CRKL: variants seen among roughly 807,000 people sequenced by gnomAD.
CRKL encodes the protein CRK like proto-oncogene, adaptor protein.
A neutral mutation model predicts 23.0 loss-of-function variants in CRKL; 3 were observed. The ratio of observed to expected loss-of-function variants is 0.13; its 90% CI spans 0.06 to 0.34. CRKL has a LOEUF of 0.34. CRKL is among the 10% of genes least tolerant of loss of function. The pLI, the probability that CRKL is intolerant of heterozygous loss-of-function variation, is 1.00. For missense variants in CRKL, 256 were observed against 394.5 expected (o/e 0.65, Z 2.97); for synonymous variants, 188 against 160.7 (o/e 1.17, Z -1.28).
chr22:20,921,758 A>G (rs2147894881), intron 1 of CRKL, among the ~76,000 whole-genome samples: 1 of 150,462 alleles, frequency 6.6e-6, no homozygotes, highest in South Asian at 2.1e-4. Flanking sequence ...TCTGTCGCCC[A>G]GGCTGGAGTG....
chr22:20,921,267 A>G (rs537686927), intron 1 of CRKL, among the ~76,000 whole-genome samples: 3 of 152,356 alleles, frequency 2.0e-5, no homozygotes, highest in Admixed American at 6.5e-5. Flanking sequence ...TGTAACAATA[A>G]TGTCCTACTC....
intron 2 of CRKL, 108 bp downstream of exon 2, chr22:20,934,352 C>T: frequency 2.9e-6 from 3 of 1,018,098 alleles, no homozygotes; most frequent in Admixed American, 2.8e-5. Flanking sequence ...AATTAGAGCA[C>T]TGGATGATTT....
chr22:20,945,840 A>G (rs1259165593), intron 2 of CRKL, among the ~76,000 whole-genome samples: 5 of 152,146 alleles, frequency 3.3e-5, no homozygotes, highest in Non-Finnish European at 2.9e-5. Context: ...CGGCCTACAC[A>G]TAGATGTTCA....
At chr22:20,939,695 A>G (rs945268742) in intron 2 of CRKL, among the ~76,000 whole-genome samples, 3 of 151,448 alleles carry the variant, frequency 2.0e-5, no homozygotes, top group Non-Finnish European at 4.4e-5. Context: ...TTAAAAGTGC[A>G]TGGCCCCATA....
chr22:20,918,430 GT>G (rs5844449), intron 1 of CRKL, among the ~76,000 whole-genome samples, 185 bp downstream of exon 1: 122,807 of 148,254 alleles, frequency 0.83, 51,145 homozygotes, highest in Middle Eastern at 0.93. Context: ...AAGAGGATGC[GT>G]TTTTTTTTTT....
intron 2 of CRKL, among the ~76,000 whole-genome samples, chr22:20,937,972 C>T (rs765514580): frequency 1.5e-4 from 23 of 152,026 alleles, no homozygotes; most frequent in Non-Finnish European, 2.5e-4. Context: ...CGGGTTTAAG[C>T]GATTCTCATG....
chr22:20,920,056 C>G (rs779877657), intron 1 of CRKL, among the ~76,000 whole-genome samples: 8 of 152,138 alleles, frequency 5.3e-5, no homozygotes, highest in Non-Finnish European at 8.8e-5. Flanking sequence ...AGTTGAGAAT[C>G]TTAGAACCCA....
At chr22:20,920,338 T>C (rs1169219458) in intron 1 of CRKL, among the ~76,000 whole-genome samples, 1 of 151,904 alleles carries the variant, frequency 6.6e-6, no homozygotes, top group Non-Finnish European at 1.5e-5. Context: ...CCGTCTCTGC[T>C]AAAAATACAA....
rs200590760 is a variant in CRKL at position 20,918,012 on chromosome 22, C to G, written c.78C>G (p.Thr26=). ...MGPVSRQEAQ[T]RLQGQRHGMF... ...CGGTGTCTCGCCAGGAGGCGCAGAC[C>G]CGGCTCCAGGGCCAGCGCCACGGTA... Residue 26 remains threonine, a synonymous_variant, in exon 1 of 3, where the codon ACC becomes ACG. Transcript: ENST00000354336. The G allele has an allele frequency of 2.3e-5, 37 of 1,614,202 alleles. No individual in the cohort carries two copies. The East Asian group carries it at 7.8e-4, about 34-fold the overall frequency.
rs769177194 is a variant in CRKL, at chr22:20,949,939, T to G, written c.*94T>G. 2 of 1,482,642 alleles carry G rather than the reference T, an allele frequency of 1.3e-6. No homozygotes were observed. Among genetic ancestry groups the G allele is most frequent in the East Asian group, 2.4e-5 (1 of 42,004 alleles). The allele number at this position is 1,482,642 out of a possible 1,614,324, so 91.8% of individuals were successfully genotyped here. ...ATTTTCTCTCATAGGCAAGTCACAC[T>G]GCATTGCCGAAGTCCAGCTTTCTGC... On this transcript the variant is annotated 3_prime_UTR_variant, in exon 3 of 3. Coordinates refer to ENST00000354336, the MANE Select transcript of CRKL (RefSeq NM_005207.4).
intron 2 of CRKL, among the ~76,000 whole-genome samples, chr22:20,939,218 C>G (rs1182550328): frequency 6.8e-6 from 1 of 146,748 alleles, no homozygotes; most frequent in African/African-American, 2.5e-5. Context: ...TGTGGCACAT[C>G]TGGAACATAA....
In CRKL at chr22:20,953,338, G is replaced by A. The variant is rs549608491; in HGVS notation, c.*3493G>A. 3.5e-5 allele frequency: 8 copies of A among 231,162 alleles called. No homozygotes were observed. In the Admixed American group the frequency reaches 4.0e-4, roughly 11 times the overall value. 14.3% of individuals were successfully genotyped at this position (231,162 alleles called of 1,614,324 possible). On this transcript the variant is annotated 3_prime_UTR_variant, in exon 3 of 3. Transcript: ENST00000354336. Reference sequence around the variant, plus strand: ...GCTGGTTCTGTTTTCTAAAGGAGCAGAAGGACAGGTCTCTGAGACAGGATC... The same window carrying A: ...GCTGGTTCTGTTTTCTAAAGGAGCAAAAGGACAGGTCTCTGAGACAGGATC...
rs150791567 is a variant in CRKL, at chr22:20,952,861, C to T, written c.*3016C>T. The T allele has an allele frequency of 2.9e-4, 66 of 231,446 alleles. 1 individual carries two copies. Among genetic ancestry groups the T allele is most frequent in the African/African-American group, 1.3e-3 (59 of 45,320 alleles). The allele number at this position is 231,446 out of a possible 1,614,324, so 14.3% of individuals were successfully genotyped here. A position where few individuals can be genotyped will look rare whatever the true frequency, so the allele number is the denominator to read the frequency against. The stretch of plus-strand genomic sequence containing the variant: ...TGGAACCACCTGATGACATGGTTAA[C>T]GAGGAAGACGATGTGTTGACCGGCT... On this transcript the variant is annotated 3_prime_UTR_variant, in exon 3 of 3. Transcript: ENST00000354336.
At chr22:20,940,430 C>T (rs1041700051) in intron 2 of CRKL, among the ~76,000 whole-genome samples, 1 of 152,190 alleles carries the variant, frequency 6.6e-6, no homozygotes, top group African/African-American at 2.4e-5. Flanking sequence ...AAACAAGAGA[C>T]TTGACCCTTC....
intron 1 of CRKL, among the ~76,000 whole-genome samples, chr22:20,930,047 TG>T (rs1288515426): frequency 6.6e-6 from 1 of 152,188 alleles, no homozygotes; most frequent in Non-Finnish European, 1.5e-5. Context: ...GAGATTGATT[TG>T]GTGTCAAATT....
At chr22:20,949,561 C>T (rs1357168610) in intron 2 of CRKL, 150 bp from the exon 3 acceptor site, 1 of 1,042,842 alleles carries the variant, frequency 9.6e-7, no homozygotes, top group Non-Finnish European at 1.4e-6. Flanking sequence ...GGGATCTCAC[C>T]ACTACACTCC....
intron 1 of CRKL, among the ~76,000 whole-genome samples, chr22:20,919,859 C>T (rs1920972258): frequency 6.6e-6 from 1 of 150,942 alleles, no homozygotes; most frequent in Non-Finnish European, 1.5e-5. Context: ...AAAGCCATGA[C>T]AGTATAATGA....
In CRKL at chr22:20,950,963, T is replaced by C. The variant is rs1922253181; in HGVS notation, c.*1118T>C. The C allele has an allele frequency of 4.3e-6, 1 of 232,630 alleles. No homozygotes were observed. Among genetic ancestry groups the C allele is most frequent in the African/African-American group, 2.2e-5 (1 of 45,322 alleles). The allele number at this position is 232,630 out of a possible 1,614,324, so 14.4% of individuals were successfully genotyped here. A position where few individuals can be genotyped will look rare whatever the true frequency, so the allele number is the denominator to read the frequency against. On this transcript the variant is annotated 3_prime_UTR_variant, in exon 3 of 3. Transcript: ENST00000354336. ...ATGTGCACAGCCCCTTGGATTACTT[T>C]GTTTTAAAAAGCATCAGAGTTGGGG...
chr22:20,953,434 AAC>A lies in CRKL; in HGVS notation c.*3591_*3592del, dbSNP rs1403710894. 1 of 219,324 alleles carries A rather than the reference AAC, an allele frequency of 4.6e-6. No homozygotes were observed. Among genetic ancestry groups the A allele is most frequent in the African/African-American group, 3.0e-5 (1 of 33,778 alleles). 13.6% of individuals were successfully genotyped at this position (219,324 alleles called of 1,614,324 possible). ...TCACTGTGTGTTTTAAAACAACAAC[AAC>A]AACAACAACAACAACATAAAACTCT... On this transcript the variant is annotated 3_prime_UTR_variant, in exon 3 of 3. Transcript: ENST00000354336.
Sources: gnomAD v4.1 joint callset for allele counts (sites outside exome capture counted in the v4.1 genomes callset) on GRCh38, gnomAD v4.1.1 for gene constraint, MANE v1.5 for transcripts, NCBI Gene and HGNC (gene_info 2026-07-23, HGNC 2026-07-21) for gene names.